The following PAFAH1B2 variants were observed in gnomAD, a reference collection of about 807,000 sequenced individuals.
PAFAH1B2 encodes the protein platelet-activating factor acetylhydrolase IB subunit alpha2.
PAFAH1B2 carries 8 observed loss-of-function variants against 28.0 expected under a neutral mutation model. The ratio of observed to expected loss-of-function variants is 0.29; its 90% CI spans 0.17 to 0.52. The LOEUF (loss-of-function observed/expected upper bound fraction) is 0.52, where lower values mean the gene tolerates loss of function less well. Among genes scored for constraint, PAFAH1B2 ranks in the 20% least tolerant of loss-of-function variants. PAFAH1B2 has a pLI of 0.97. For missense variants in PAFAH1B2, 190 were observed against 282.6 expected (o/e 0.67, Z 2.35); for synonymous variants, 104 against 103.2 (o/e 1.01, Z -0.05).
chr11:117,144,558 G>C (rs532951208), intron 1 of PAFAH1B2, 140 bp downstream of exon 1: 168 of 168,214 alleles, frequency 1.0e-3, no homozygotes, highest in Non-Finnish European at 1.8e-3. Flanking sequence ...CCATCCACTT[G>C]GGGGGGGCCT....
chr11:117,171,520 A>T, downstream of PAFAH1B2: 1 of 585,770 alleles, frequency 1.7e-6, no homozygotes. Context: ...TGGGCAACAG[A>T]GCGAGACTCT....
Position 117,169,893 on chromosome 11 carries a change from C to T in PAFAH1B2, c.*2194C>T, listed in dbSNP as rs1218057337. On this transcript the variant is annotated 3_prime_UTR_variant, in exon 6 of 6. Transcript: ENST00000527958. ...TCCATTAGGTTACTCCTGCAGCATG[C>T]GCTTTTAGCTTCTCTCTTGACTGAG... The T allele has an allele frequency of 2.0e-5, 21 of 1,053,980 alleles. No individual in the cohort carries two copies. Among genetic ancestry groups the T allele is most frequent in the East Asian group, 1.1e-4 (2 of 18,714 alleles). The allele number at this position is 1,053,980 out of a possible 1,614,324, so 65.3% of individuals were successfully genotyped here.
At position 117,170,082 on chromosome 11, in the gene PAFAH1B2, G is replaced by A. The variant is rs1956613793; in HGVS notation, c.*2383G>A. ...CCCATTACTGATGTGCAGATATTGAGTTCACTTTCATTTTTTGCCAGATTT... is the reference window on the plus strand; with the variant it reads ...CCCATTACTGATGTGCAGATATTGAATTCACTTTCATTTTTTGCCAGATTT... On this transcript the variant is annotated 3_prime_UTR_variant, in exon 6 of 6. Coordinates refer to ENST00000527958, the MANE Select transcript of PAFAH1B2 (RefSeq NM_002572.4). 1 of 1,055,724 alleles carries A rather than the reference G, an allele frequency of 9.5e-7. No individual in the cohort carries two copies. Among genetic ancestry groups the A allele is most frequent in the Non-Finnish European group, 1.1e-6 (1 of 873,540 alleles). 65.4% of individuals were successfully genotyped at this position (1,055,724 alleles called of 1,614,324 possible).
chr11:117,159,775 G>T, intron 2 of PAFAH1B2, 159 bp from the exon 3 acceptor site: 1 of 525,254 alleles, frequency 1.9e-6, no homozygotes. Context: ...TGTTTTTGTA[G>T]AGATGGGATC....
intron 2 of PAFAH1B2, among the ~76,000 whole-genome samples, chr11:117,154,138 A>T (rs1956214194): frequency 6.6e-6 from 1 of 151,810 alleles, no homozygotes; most frequent in Non-Finnish European, 1.5e-5. Context: ...GAAGTATACC[A>T]CAGTTGATTT....
At chr11:117,152,576 TTTTTG>T in intron 2 of PAFAH1B2, 48 bp downstream of exon 2, 2 of 1,331,570 alleles carry the variant, frequency 1.5e-6, no homozygotes, top group Non-Finnish European at 2.2e-6. Flanking sequence ...AGTCTCCAGT[TTTTTG>T]TCTGTTTTGT....
chr11:117,177,314 CATT>C (rs934825244), downstream of PAFAH1B2, among the ~76,000 whole-genome samples: 73 of 152,044 alleles, frequency 4.8e-4, no homozygotes, highest in Middle Eastern at 0.01. Context: ...ACTCACAATC[CATT>C]ATTTTTTATT....
downstream of PAFAH1B2, chr11:117,171,715 A>C (rs1400439879): frequency 6.5e-7 from 1 of 1,535,888 alleles, no homozygotes; most frequent in Non-Finnish European, 8.7e-7. Context: ...TCCTGATGAC[A>C]CACCAGCAAC....
chr11:117,172,386 ATATATATATATATATATATTTTT>A (rs1956684659), downstream of PAFAH1B2, among the ~76,000 whole-genome samples: 3 of 1,876 alleles, frequency 1.6e-3, no homozygotes, highest in East Asian at 0.043. Flanking sequence ...ATATATATAT[ATATATATATATATATATATTTTT>A]TTTTTTTTTT....
chr11:117,147,167 C>T (rs1956031686), intron 1 of PAFAH1B2, among the ~76,000 whole-genome samples: 1 of 152,084 alleles, frequency 6.6e-6, no homozygotes, highest in Non-Finnish European at 1.5e-5. Context: ...ACTCGGGATG[C>T]TGAGACGGGA....
rs115447064 is a variant in PAFAH1B2, at chr11:117,156,951, G to A, written c.82-2983G>A. Among the ~76,000 whole-genome samples the A allele has an allele frequency of 8.3e-3, 1,263 of 151,844 alleles. 14 individuals are homozygous for A. Among genetic ancestry groups the A allele is most frequent in the African/African-American group, 0.029 (1,209 of 41,388 alleles). ...TCCCCAGCCTGAGCCTGGGAGGTTG[G>A]GGCTGCAGTGAGCTGCCCCTCATAG... On this transcript the variant is annotated intron_variant, in intron 2 of 5. Transcript: ENST00000527958.
chr11:117,176,133 G>A, exon 6 of PAFAH1B2: 1 of 578,080 alleles, frequency 1.7e-6, no homozygotes. Context: ...CTAATGGGCT[G>A]AAGTTTTTCT....
exon 6 of PAFAH1B2, chr11:117,176,837 A>AC (rs2030007289): frequency 6.7e-6 from 1 of 148,920 alleles, no homozygotes. Context: ...AGATCACACC[A>AC]CTGTACTCCA....
downstream of PAFAH1B2, chr11:117,171,546 A>C: frequency 3.4e-6 from 2 of 583,750 alleles, no homozygotes; most frequent in Non-Finnish European, 3.0e-6. Context: ...CGGAAAAAAA[A>C]AAAAATACAG....
intron 1 of PAFAH1B2, 110 bp downstream of exon 1, chr11:117,144,528 G>C: frequency 5.6e-6 from 1 of 177,608 alleles, no homozygotes; most frequent in Non-Finnish European, 1.2e-5. Flanking sequence ...CACCCTTGCG[G>C]CCCCTCCCCC....
rs773531130 is a variant in PAFAH1B2 at position 117,144,310 on chromosome 11, GGCCGGAGGAGGGACGC to G, written c.-108_-93del. On this transcript the variant is annotated 5_prime_UTR_variant, in exon 1 of 6. Transcript: ENST00000527958. ...GTGGAGGAGCTGCTGCTGGTGCTGG[GGCCGGAGGAGGGACGC>G]GCCGGAGCGGGACCGACGGGACCGA... is the stretch of plus-strand genomic sequence containing the variant. 3.3e-4 allele frequency: 132 copies of G among 396,512 alleles called. No individual in the cohort carries two copies. The highest frequency in any genetic ancestry group is 3.2e-4 in the Non-Finnish European group (61 of 193,086). 24.6% of individuals were successfully genotyped at this position (396,512 alleles called of 1,614,324 possible). A position where few individuals can be genotyped will look rare whatever the true frequency, so the allele number is the denominator to read the frequency against.
chr11:117,146,759 G>T (rs1956019384), intron 1 of PAFAH1B2, among the ~76,000 whole-genome samples: 1 of 151,388 alleles, frequency 6.6e-6, no homozygotes, highest in Non-Finnish European at 1.5e-5. Flanking sequence ...CCAGCACTTT[G>T]GGAGGCCAAG....
At chr11:117,153,870 T>C (rs1422969640) in intron 2 of PAFAH1B2, among the ~76,000 whole-genome samples, 2 of 152,076 alleles carry the variant, frequency 1.3e-5, no homozygotes, top group Non-Finnish European at 2.9e-5. Flanking sequence ...ATACTATTAT[T>C]ACTTAATCCA....
At position 117,170,141 on chromosome 11, in the gene PAFAH1B2, A is replaced by G. The variant is rs771449820; in HGVS notation, c.*2442A>G. ...TACTTTAGGTAAAAATAGTTAATCT[A>G]TTTTTCTTTGACATCCTAGTTTGCG... On this transcript the variant is annotated 3_prime_UTR_variant, in exon 6 of 6. Coordinates refer to ENST00000527958, the MANE Select transcript of PAFAH1B2 (RefSeq NM_002572.4). 3 of 1,054,752 alleles carry G rather than the reference A, an allele frequency of 2.8e-6. No individual in the cohort carries two copies. Among genetic ancestry groups the G allele is most frequent in the Non-Finnish European group, 2.3e-6 (2 of 872,816 alleles). The allele number at this position is 1,054,752 out of a possible 1,614,324, so 65.3% of individuals were successfully genotyped here.
Sources: allele counts gnomAD v4.1 joint callset (sites outside exome capture counted in the v4.1 genomes callset), GRCh38; gene constraint gnomAD v4.1.1; transcripts MANE v1.5; gene names NCBI Gene and HGNC (gene_info 2026-07-23, HGNC 2026-07-21).